Variants in PREPL observed in about 807,000 individuals in gnomAD.
PREPL encodes the protein prolyl endopeptidase-like.
A neutral mutation model predicts 70.6 loss-of-function variants in PREPL; 77 were observed. The observed-to-expected ratio is 1.09, with a 90% confidence interval of 0.91 to 1.32. The LOEUF (loss-of-function observed/expected upper bound fraction) is 1.32. Among genes scored for constraint, PREPL ranks in the 40% most tolerant of loss-of-function variants. The pLI is 0.00. For synonymous variants in PREPL, 315 were observed against 264.8 expected, an observed-to-expected ratio of 1.19 and a Z score of -1.84; for missense variants, 1,002 against 778.2, an observed-to-expected ratio of 1.29 and a Z score of -3.42.
intron 8 of PREPL, among the ~76,000 whole-genome samples, chr2:44,331,243 C>G (rs1411215155): frequency 1.3e-5 from 2 of 152,004 alleles, no homozygotes; most frequent in African/African-American, 4.8e-5. Flanking sequence ...GTGCCTAGCC[C>G]TACACTTCTT....
In PREPL at chr2:44,322,791, C is replaced by T. The variant is rs762393234; in HGVS notation, c.1693G>A (p.Val565Ile). Residue 565 changes from valine (V) to isoleucine (I), a missense_variant, in exon 12 of 14, where the codon GTA (valine) becomes ATA (isoleucine). Coordinates refer to ENST00000409411, the MANE Select transcript of PREPL (RefSeq NM_001171613.2). Reference protein sequence around the residue: ...NDERVPLKGIVSYTEKLKEAI... With the variant: ...NDERVPLKGIISYTEKLKEAI... Reference sequence around the variant, plus strand: ...TCCTTGAGTTTCTCAGTATAACTTACAATTCCTTTCAGAGGTACCCGTTCA... The same window carrying T: ...TCCTTGAGTTTCTCAGTATAACTTATAATTCCTTTCAGAGGTACCCGTTCA... 20 of 1,613,808 alleles carry T rather than the reference C, an allele frequency of 1.2e-5. No homozygotes were observed. Among genetic ancestry groups the T allele is most frequent in the African/African-American group, 5.3e-5 (4 of 74,912 alleles).
chr2:44,354,515 T>C (rs981321358), intron 1 of PREPL, among the ~76,000 whole-genome samples: 2 of 152,152 alleles, frequency 1.3e-5, no homozygotes, highest in Non-Finnish European at 2.9e-5. Context: ...TCCAGACTCA[T>C]ATATCCAACT....
At chr2:44,327,823 A>G (rs554423849) in intron 9 of PREPL, among the ~76,000 whole-genome samples, 9 of 152,182 alleles carry the variant, frequency 5.9e-5, no homozygotes, top group African/African-American at 2.2e-4. Context: ...AGATTGCGCC[A>G]CTGCACTCTA....
intron 13 of PREPL, 61 bp from the exon 14 acceptor site, chr2:44,321,506 A>T: frequency 6.3e-7 from 1 of 1,576,572 alleles, no homozygotes; most frequent in Non-Finnish European, 8.6e-7. Flanking sequence ...GCCACTGTTT[A>T]AGCTTCTCTT....
At chr2:44,346,203 G>C in intron 2 of PREPL, 65 bp downstream of exon 2, 1 of 1,437,340 alleles carries the variant, frequency 7.0e-7, no homozygotes, top group Non-Finnish European at 9.6e-7. Context: ...AAATCACCAA[G>C]TATCTCATTT....
chr2:44,345,685 T>C (rs1216833589), intron 2 of PREPL, among the ~76,000 whole-genome samples: 1 of 152,146 alleles, frequency 6.6e-6, no homozygotes, highest in African/African-American at 2.4e-5. Flanking sequence ...ATGACTGTGA[T>C]AACCATAAAA....
chr2:44,340,120 T>C (rs1198932727), intron 5 of PREPL, among the ~76,000 whole-genome samples: 1 of 152,082 alleles, frequency 6.6e-6, no homozygotes, highest in Non-Finnish European at 1.5e-5. Context: ...TCTTTGTGAT[T>C]ATTATTTTTA....
At chr2:44,324,410 C>T (rs1421572554) in intron 10 of PREPL, among the ~76,000 whole-genome samples, 1 of 151,810 alleles carries the variant, frequency 6.6e-6, no homozygotes, top group African/African-American at 2.4e-5. Context: ...GGTATTTTAC[C>T]ATAATTAAAA....
chr2:44,347,348 G>C (rs1675940585), intron 1 of PREPL: 1 of 152,020 alleles, frequency 6.6e-6, no homozygotes, highest in East Asian at 1.9e-4. Flanking sequence ...ACAAAAAAAA[G>C]GGAATTAATG....
At position 44,338,544 on chromosome 2, in the gene PREPL, G is replaced by A; in HGVS notation, c.703-8C>T. On this transcript the variant is annotated splice_region_variant and splice_polypyrimidine_tract_variant and intron_variant, in intron 6 of 13. Transcript: ENST00000409411. ...AGCCGCTGTTCTCATTAGCTACGTG[G>A]AACAAAGTTAGAAGACATATAGGTA... 1 of 1,593,660 alleles carries A rather than the reference G, an allele frequency of 6.3e-7. No homozygotes were observed. The highest frequency in any genetic ancestry group is 2.2e-5 in the East Asian group (1 of 44,780).
chr2:44,321,568 C>T (rs1672948782), intron 13 of PREPL, 123 bp from the exon 14 acceptor site: 4 of 1,500,174 alleles, frequency 2.7e-6, no homozygotes, highest in African/African-American at 1.4e-5. Flanking sequence ...GGCAAGAATA[C>T]TTTCATTCGA....
intron 9 of PREPL, among the ~76,000 whole-genome samples, chr2:44,327,584 G>C (rs1045647483): frequency 6.6e-6 from 1 of 152,154 alleles, no homozygotes; most frequent in Non-Finnish European, 1.5e-5. Context: ...TTGGGGGCTG[G>C]ACACAGTGCC....
chr2:44,341,636 A>G (rs1675231252), intron 5 of PREPL, among the ~76,000 whole-genome samples: 1 of 152,034 alleles, frequency 6.6e-6, no homozygotes, highest in Admixed American at 6.6e-5. Flanking sequence ...AATATAAAGA[A>G]CTAGACATTA....
In PREPL at chr2:44,318,096, T is replaced by C. The variant is rs1327416295; in HGVS notation, c.*3260A>G. 4 of 17,864 alleles carry C rather than the reference T, an allele frequency of 2.2e-4. No homozygotes were observed. The African/African-American group carries it at 4.2e-3, about 19-fold the overall frequency. 1.1% of individuals were successfully genotyped at this position (17,864 alleles called of 1,614,324 possible). A position where few individuals can be genotyped will look rare whatever the true frequency, so the allele number is the denominator to read the frequency against. Reference sequence around the variant, plus strand: ...TAATACTTAAAGGATCTCAACACTGTTTTTTTTTTTTTTTGAGACAGTCTT... The same window carrying C: ...TAATACTTAAAGGATCTCAACACTGCTTTTTTTTTTTTTTGAGACAGTCTT... On this transcript the variant is annotated 3_prime_UTR_variant, in exon 14 of 14. Transcript: ENST00000409411.
chr2:44,344,357 TA>T (rs1200322539), intron 3 of PREPL, among the ~76,000 whole-genome samples, 162 bp downstream of exon 3: 1 of 152,080 alleles, frequency 6.6e-6, no homozygotes, highest in Admixed American at 6.6e-5. Flanking sequence ...TGAGTCTAAC[TA>T]TATCTTACAC....
intron 1 of PREPL, among the ~76,000 whole-genome samples, chr2:44,348,430 T>C (rs1054684257): frequency 6.6e-6 from 1 of 152,192 alleles, no homozygotes; most frequent in African/African-American, 2.4e-5. Context: ...AGATTCAGGA[T>C]TGTCTGTTCT....
intron 1 of PREPL, among the ~76,000 whole-genome samples, chr2:44,348,703 A>T (rs1676083462): frequency 6.6e-6 from 1 of 152,222 alleles, no homozygotes; most frequent in South Asian, 2.1e-4. Flanking sequence ...TAACTCTGAA[A>T]GCAATAGGAT....
chr2:44,361,473 GGCA>G lies in PREPL; in HGVS notation c.-145_-143del. The G allele has an allele frequency of 6.5e-6, 1 of 153,060 alleles. No homozygotes were observed. Among genetic ancestry groups the G allele is most frequent in the South Asian group, 2.0e-4 (1 of 4,992 alleles). 9.5% of individuals were successfully genotyped at this position (153,060 alleles called of 1,614,324 possible). Reference sequence around the variant, plus strand: ...TCAGAGGGGAGCAGGTGTCACCGCAGGCAAGTCCAGCCGAAGTCTGCGTTCCGC... The same window carrying G: ...TCAGAGGGGAGCAGGTGTCACCGCAGAGTCCAGCCGAAGTCTGCGTTCCGC... On this transcript the variant is annotated 5_prime_UTR_variant, in exon 1 of 14. Coordinates refer to ENST00000409411, the MANE Select transcript of PREPL (RefSeq NM_001171613.2).
intron 1 of PREPL, among the ~76,000 whole-genome samples, chr2:44,352,618 C>T (rs1247013258): frequency 6.6e-6 from 1 of 152,060 alleles, no homozygotes; most frequent in African/African-American, 2.4e-5. Flanking sequence ...GTAAGCTTCA[C>T]AAAGGCAGGG....
Sources: allele counts gnomAD v4.1 joint callset (sites outside exome capture counted in the v4.1 genomes callset), GRCh38; gene constraint gnomAD v4.1.1; transcripts MANE v1.5; gene names NCBI Gene and HGNC (gene_info 2026-07-23, HGNC 2026-07-21).